Variants in HLF observed in about 807,000 individuals in gnomAD.
HLF encodes hepatic leukemia factor.
Under a neutral mutation model 22.6 loss-of-function variants are expected in HLF, and 3 were observed. That is an observed-to-expected ratio of 0.13 (90% CI 0.06 to 0.34). HLF has a LOEUF of 0.34. Ranked by LOEUF, HLF falls within the 10% of genes least tolerant of loss-of-function variation. The probability of loss-of-function intolerance (pLI) is 1.00; values close to 1 mark genes in which losing one functional copy is unlikely to be tolerated. For missense variants in HLF, 299 were observed against 389.2 expected (o/e 0.77, Z 1.95); for synonymous variants, 151 against 151.8 (o/e 0.99, Z 0.04).
chr17:55,314,507 T>G (rs558578515), intron 2 of HLF, among the ~76,000 whole-genome samples: 88 of 152,292 alleles, frequency 5.8e-4, no homozygotes, highest in Middle Eastern at 6.8e-3. Flanking sequence ...CATCTCTCAC[T>G]GACATTTGGA....
intron 2 of HLF, among the ~76,000 whole-genome samples, chr17:55,307,428 C>T (rs575995610): frequency 6.6e-6 from 1 of 152,058 alleles, no homozygotes; most frequent in African/African-American, 2.4e-5. Context: ...CTTGGCCTCC[C>T]AAAGTGCTGG....
Position 55,265,531 on chromosome 17 carries a change from C to T in HLF, c.47C>T (p.Pro16Leu), listed in dbSNP as rs1392775411. Residue 16 changes from proline (P) to leucine (L), a missense_variant, in exon 1 of 4, where the codon CCG (proline) becomes CTG (leucine). Physicochemically the swap from Pro to Leu is moderately conservative, Grantham distance 98 (BLOSUM62 -3). Transcript: ENST00000226067. ...CTCCCCCTGAATCCCACCTTTATCCCGCCTCCCTACGGCGTGCTCAGGTCC... is the reference window on the plus strand; with the variant it reads ...CTCCCCCTGAATCCCACCTTTATCCTGCCTCCCTACGGCGTGCTCAGGTCC... ...RPLPLNPTFIPPPYGVLRSLL... is the reference protein window; with the variant it reads ...RPLPLNPTFILPPYGVLRSLL... 2.5e-6 allele frequency: 4 copies of T among 1,609,732 alleles called. No individual in the cohort carries two copies. The highest frequency in any genetic ancestry group is 1.1e-5 in the South Asian group (1 of 90,736).
intron 2 of HLF, among the ~76,000 whole-genome samples, chr17:55,289,421 G>A (rs541866733): frequency 5.3e-5 from 8 of 152,166 alleles, no homozygotes; most frequent in African/African-American, 1.9e-4. Context: ...TATAGTGTGA[G>A]CCTCTGGCAA....
At position 55,323,820 on chromosome 17, in the gene HLF, T is replaced by C. The variant is rs1264640354; in HGVS notation, c.*2941T>C. 4.3e-6 allele frequency: 1 copy of C among 230,194 alleles called. No individual in the cohort carries two copies. The highest frequency in any genetic ancestry group is 8.6e-6 in the Non-Finnish European group (1 of 116,070). 14.3% of individuals were successfully genotyped at this position (230,194 alleles called of 1,614,324 possible). A position where few individuals can be genotyped will look rare whatever the true frequency, so the allele number is the denominator to read the frequency against. The stretch of plus-strand genomic sequence containing the variant: ...TATTATGAGAGTCCCTTTGTCATTT[T>C]TCACCTTTTCATCCTAAGCATCTTT... On this transcript the variant is annotated 3_prime_UTR_variant, in exon 4 of 4. Coordinates refer to ENST00000226067, the MANE Select transcript of HLF (RefSeq NM_002126.5).
rs1188377739 is a variant in HLF at position 55,315,216 on chromosome 17, T to C, written c.452-11T>C. 1 of 1,611,618 alleles carries C rather than the reference T, an allele frequency of 6.2e-7. No homozygotes were observed. Among genetic ancestry groups the C allele is most frequent in the Admixed American group, 1.7e-5 (1 of 60,026 alleles). On this transcript the variant is annotated splice_polypyrimidine_tract_variant and intron_variant, in intron 2 of 3. Coordinates refer to ENST00000226067, the MANE Select transcript of HLF (RefSeq NM_002126.5). ...GGGTGTTCATGAATTAAAACTCCTG[T>C]GTTGTTCCAGGTCAGCTGTTGCCAG... is the stretch of plus-strand genomic sequence containing the variant.
At chr17:55,282,255 C>T (rs924609121) in intron 2 of HLF, among the ~76,000 whole-genome samples, 2 of 152,212 alleles carry the variant, frequency 1.3e-5, no homozygotes, top group African/African-American at 4.8e-5. Context: ...TGGAGTCTTG[C>T]TTCCAGGTTT....
chr17:55,306,156 G>A lies in HLF; in HGVS notation c.452-9071G>A, dbSNP rs149684934. ...GCATTGTTTGAGCCCAGGAGTTCAA[G>A]GTTTCAGTGAACTATGATCACGCCA... On this transcript the variant is annotated intron_variant, in intron 2 of 3. Coordinates refer to ENST00000226067, the MANE Select transcript of HLF (RefSeq NM_002126.5). Among the ~76,000 whole-genome samples the A allele has an allele frequency of 4.6e-3, 699 of 152,124 alleles. 3 individuals are homozygous for A. Among genetic ancestry groups the A allele is most frequent in the African/African-American group, 0.016 (665 of 41,488 alleles).
Position 55,267,228 on chromosome 17 carries a change from G to A in HLF, c.116-523G>A, listed in dbSNP as rs140328181. Reference sequence around the variant, plus strand: ...ATATATGGAAAGAACCAGGTATCCAGTAGGTACTCTAAACATGATGTTAAA... The same window carrying A: ...ATATATGGAAAGAACCAGGTATCCAATAGGTACTCTAAACATGATGTTAAA... On this transcript the variant is annotated intron_variant, in intron 1 of 3. Transcript: ENST00000226067. 2.0e-5 allele frequency among the ~76,000 whole-genome samples: 3 copies of A among 152,284 alleles called. No homozygotes were observed. In the East Asian group the frequency reaches 5.8e-4, roughly 29 times the overall value.
chr17:55,306,842 ATTTC>A (rs1389543723), intron 2 of HLF, among the ~76,000 whole-genome samples: 1 of 142,136 alleles, frequency 7.0e-6, no homozygotes, highest in Non-Finnish European at 1.5e-5. Flanking sequence ...TCATTCTTGT[ATTTC>A]TTCTTGGTTT....
At chr17:55,283,193 C>A (rs909771785) in intron 2 of HLF, among the ~76,000 whole-genome samples, 1 of 152,180 alleles carries the variant, frequency 6.6e-6, no homozygotes, top group African/African-American at 2.4e-5. Context: ...TTGATGGCAA[C>A]TTTTCTAGGA....
chr17:55,293,690 T>A (rs538829022), intron 2 of HLF, among the ~76,000 whole-genome samples: 88 of 152,194 alleles, frequency 5.8e-4, no homozygotes, highest in Non-Finnish European at 1.1e-3. Flanking sequence ...CTGGGGGCGA[T>A]TAATAGGTGG....
At chr17:55,273,352 C>G (rs540684199) in intron 2 of HLF, among the ~76,000 whole-genome samples, 3 of 152,306 alleles carry the variant, frequency 2.0e-5, no homozygotes, top group African/African-American at 7.2e-5. Context: ...GTGCATTCAG[C>G]TGTTATGGTG....
chr17:55,286,954 T>C (rs989899853), intron 2 of HLF, among the ~76,000 whole-genome samples: 9 of 152,272 alleles, frequency 5.9e-5, no homozygotes, highest in Non-Finnish European at 1.3e-4. Flanking sequence ...GTACAGTCTT[T>C]GCTTACTCTG....
At chr17:55,269,078 C>T (rs1027128120) in intron 2 of HLF, among the ~76,000 whole-genome samples, 2 of 152,108 alleles carry the variant, frequency 1.3e-5, no homozygotes, top group Non-Finnish European at 2.9e-5. Flanking sequence ...CAGGACAATG[C>T]GAAACTTGTG....
chr17:55,304,763 G>A (rs1040984176), intron 2 of HLF, among the ~76,000 whole-genome samples: 43 of 152,154 alleles, frequency 2.8e-4, no homozygotes, highest in African/African-American at 8.9e-4. Flanking sequence ...ACCTACCAAG[G>A]GGCCTTCCCA....
intron 2 of HLF, among the ~76,000 whole-genome samples, chr17:55,274,195 G>T (rs2080884595): frequency 6.6e-6 from 1 of 152,112 alleles, no homozygotes; most frequent in African/African-American, 2.4e-5. Flanking sequence ...TGATTTATTA[G>T]GTTTCTCAGA....
intron 2 of HLF, among the ~76,000 whole-genome samples, chr17:55,274,219 A>G (rs572479011): frequency 2.0e-5 from 3 of 152,316 alleles, no homozygotes; most frequent in Admixed American, 6.5e-5. Flanking sequence ...CTCTCTTCCA[A>G]TTAGCACTAA....
chr17:55,303,218 T>C (rs1331812546), intron 2 of HLF, among the ~76,000 whole-genome samples: 3 of 151,970 alleles, frequency 2.0e-5, no homozygotes, highest in African/African-American at 4.8e-5. Flanking sequence ...GTGTGTAGAG[T>C]TGCAGTGTGG....
At position 55,320,790 on chromosome 17, in the gene HLF, C is replaced by T. The variant is rs1905238742; in HGVS notation, c.799C>T (p.Leu267Phe). Reference sequence around the variant, plus strand: ...GTTCCTGGAGAAGGAGAACTCGGCCCTCCGCCAGGAGGTGGCTGACTTGAG... The same window carrying T: ...GTTCCTGGAGAAGGAGAACTCGGCCTTCCGCCAGGAGGTGGCTGACTTGAG... ...ASFLEKENSALRQEVADLRKE... is the reference protein window; with the variant it reads ...ASFLEKENSAFRQEVADLRKE... Residue 267 changes from leucine to phenylalanine, a missense_variant, in exon 4 of 4, where the codon CTC becomes TTC. By Grantham distance (22) the Leu-to-Phe change is conservative. Transcript: ENST00000226067. This position sits in a 1 kb window ranked among gnomAD's most constrained non-coding sequence, Gnocchi z 4.2. 2 of 1,613,922 alleles carry T rather than the reference C, an allele frequency of 1.2e-6. No individual in the cohort carries two copies. The highest frequency in any genetic ancestry group is 8.5e-7 in the Non-Finnish European group (1 of 1,179,916).
Sources: gnomAD v4.1 joint callset for allele counts (sites outside exome capture counted in the v4.1 genomes callset) on GRCh38, gnomAD v4.1.1 for gene constraint, Gnocchi (gnomAD v3.1) non-coding constraint, MANE v1.5 for transcripts, NCBI Gene and HGNC (gene_info 2026-07-23, HGNC 2026-07-21) for gene names.